ANKRD36C: variants seen among roughly 807,000 people sequenced by gnomAD.
ANKRD36C encodes ankyrin repeat domain 36C, also known as ankyrin repeat domain-containing protein 36C.
A neutral mutation model predicts 276.4 loss-of-function variants in ANKRD36C; 61 were observed. The observed-to-expected ratio is 0.22, with a 90% CI of 0.18 to 0.27. ANKRD36C has a LOEUF of 0.27. Among genes scored for constraint, ANKRD36C ranks in the 10% least tolerant of loss-of-function variants. The pLI is 1.00. For missense variants in ANKRD36C, 1,447 were observed against 2,032.3 expected, an observed-to-expected ratio of 0.71 and a Z score of 5.54; for synonymous variants, 483 against 680.1, an observed-to-expected ratio of 0.71 and a Z score of 4.51.
intron 46 of ANKRD36C, among the ~76,000 whole-genome samples, chr2:95,890,729 A>G (rs1208825290): frequency 1.3e-5 from 2 of 151,624 alleles, no homozygotes; most frequent in East Asian, 1.9e-4. Flanking sequence ...TAAAACTGCT[A>G]CAAGCATTAG....
chr2:95,888,808 A>C (rs201013185), intron 48 of ANKRD36C, among the ~76,000 whole-genome samples: 3 of 151,808 alleles, frequency 2.0e-5, no homozygotes, highest in African/African-American at 7.2e-5. Flanking sequence ...CTCAATAAAA[A>C]TATCATCAAT....
chr2:95,867,291 A>C (rs1202200953), intron 60 of ANKRD36C, 149 bp downstream of exon 80: 2 of 906,402 alleles, frequency 2.2e-6, no homozygotes. Flanking sequence ...TACAAGATAC[A>C]GTTGCTTTCA....
intron 42 of ANKRD36C, 37 bp downstream of exon 54, chr2:95,902,849 G>C: frequency 6.5e-7 from 1 of 1,532,786 alleles, no homozygotes; most frequent in Non-Finnish European, 8.8e-7. Flanking sequence ...TTATCTATCT[G>C]GACTGAACAT....
At chr2:95,860,119 A>G (rs1379077020) in intron 60 of ANKRD36C, 45 bp from the exon 81 acceptor site, 4 of 1,235,544 alleles carry the variant, frequency 3.2e-6, no homozygotes, top group Non-Finnish European at 4.6e-6. Flanking sequence ...ACATGAGTAG[A>G]TTTTTGGATA....
At chr2:95,864,757 T>C (rs1573725955) in intron 60 of ANKRD36C, among the ~76,000 whole-genome samples, 1 of 152,040 alleles carries the variant, frequency 6.6e-6, no homozygotes, top group African/African-American at 2.4e-5. Flanking sequence ...CATACTAAAA[T>C]GGCAGAGTTT....
At chr2:95,854,467 C>T (rs906193278) in intron 63 of ANKRD36C, among the ~76,000 whole-genome samples, 38 of 152,096 alleles carry the variant, frequency 2.5e-4, no homozygotes, top group African/African-American at 8.7e-4. Flanking sequence ...GAATGGGGAT[C>T]CAGTGTCAAA....
chr2:95,944,323 A>G (rs1349840034), intron 19 of ANKRD36C, among the ~76,000 whole-genome samples: 1 of 152,090 alleles, frequency 6.6e-6, no homozygotes, highest in African/African-American at 2.4e-5. Context: ...TTCCTTCCCT[A>G]ATGGCAAACC....
intron 42 of ANKRD36C, among the ~76,000 whole-genome samples, chr2:95,910,924 C>T (rs958239718): frequency 2.4e-4 from 36 of 150,474 alleles, no homozygotes; most frequent in Non-Finnish European, 5.0e-4. Flanking sequence ...GCAGGTGCCA[C>T]ATGATCCCAC....
intron 22 of ANKRD36C, among the ~76,000 whole-genome samples, chr2:95,938,588 T>G (rs560898617): frequency 6.6e-6 from 1 of 152,330 alleles, no homozygotes; most frequent in East Asian, 1.9e-4. Context: ...AATTCAACAC[T>G]GGGATCTTTA....
chr2:95,911,000 T>C (rs1245087322), intron 42 of ANKRD36C, among the ~76,000 whole-genome samples: 2 of 151,470 alleles, frequency 1.3e-5, no homozygotes, highest in East Asian at 3.9e-4. Context: ...TCATGCTCTT[T>C]AACTTGCCCA....
intron 4 of ANKRD36C, among the ~76,000 whole-genome samples, chr2:95,981,092 T>G (rs1678905877): frequency 6.6e-6 from 1 of 151,944 alleles, no homozygotes; most frequent in African/African-American, 2.4e-5. Context: ...AGTGAAAAAT[T>G]ATTCATTTCT....
chr2:95,923,065 C>T (rs1478046841), intron 32 of ANKRD36C, among the ~76,000 whole-genome samples: 1 of 151,574 alleles, frequency 6.6e-6, no homozygotes, highest in African/African-American at 2.4e-5. Context: ...ATTGCTACAT[C>T]AGTGGTCTCA....
At chr2:95,861,981 C>A (rs1295991232) in intron 60 of ANKRD36C, among the ~76,000 whole-genome samples, 1 of 151,854 alleles carries the variant, frequency 6.6e-6, no homozygotes, top group Non-Finnish European at 1.5e-5. Context: ...AAAAAACATT[C>A]CAGCAATAAA....
At chr2:95,978,977 A>C (rs1678865069) in intron 5 of ANKRD36C, among the ~76,000 whole-genome samples, 1 of 152,044 alleles carries the variant, frequency 6.6e-6, no homozygotes, top group Non-Finnish European at 1.5e-5. Context: ...TGTTTGCTAG[A>C]ATGATGGTTC....
intron 59 of ANKRD36C, among the ~76,000 whole-genome samples, chr2:95,868,405 G>A (rs985297926): frequency 3.3e-5 from 5 of 151,558 alleles, no homozygotes; most frequent in African/African-American, 4.9e-5. Context: ...TCCAATTAGC[G>A]GTGTTTTGGT....
At chr2:95,859,088 C>T (rs1327528490) in intron 61 of ANKRD36C, among the ~76,000 whole-genome samples, 2 of 151,226 alleles carry the variant, frequency 1.3e-5, no homozygotes, top group Non-Finnish European at 2.9e-5. Context: ...GGCTGGAGTG[C>T]ACTGGTGCAA....
At chr2:95,923,688 C>T (rs761554684) in exon 31 of ANKRD36C, 1 of 1,610,122 alleles carries the variant, frequency 6.2e-7, no homozygotes, top group Non-Finnish European at 8.5e-7. Flanking sequence ...TCTGAGAAGA[C>T]ACTGAAAAGC....
chr2:95,880,399 A>C (rs932582141), intron 58 of ANKRD36C, 28 bp downstream of exon 78: 37 of 1,517,038 alleles, frequency 2.4e-5, no homozygotes, highest in Non-Finnish European at 3.2e-5. Flanking sequence ...ACTTCTTTCC[A>C]GAGTTAAATC....
At chr2:95,884,086 C>G in intron 54 of ANKRD36C, 87 bp downstream of exon 74, 1 of 1,427,454 alleles carries the variant, frequency 7.0e-7, no homozygotes, top group Non-Finnish European at 9.6e-7. Flanking sequence ...TGTGCAGCTT[C>G]GACGAGCCCT....
Sources: allele counts gnomAD v4.1 joint callset (sites outside exome capture counted in the v4.1 genomes callset), GRCh38; gene constraint gnomAD v4.1.1; transcripts MANE v1.5; gene names NCBI Gene and HGNC (gene_info 2026-07-23, HGNC 2026-07-21).